Variants in YAP1 observed in about 807,000 individuals in gnomAD.
YAP1 encodes Yes1 associated transcriptional regulator.
A neutral mutation model predicts 56.9 loss-of-function variants in YAP1; 5 were observed. The ratio of observed to expected loss-of-function variants is 0.09; its 90% confidence interval spans 0.05 to 0.18. YAP1 has a LOEUF of 0.18. Among genes scored for constraint, YAP1 ranks in the 10% least tolerant of loss-of-function variants. The pLI is 1.00. For synonymous variants in YAP1, 265 were observed against 248.1 expected, an observed-to-expected ratio of 1.07 and a Z score of -0.64; for missense variants, 539 against 651.8, an observed-to-expected ratio of 0.83 and a Z score of 1.88.
intron 3 of YAP1, among the ~76,000 whole-genome samples, chr11:102,167,601 G>T (rs1047158212): frequency 3.3e-5 from 5 of 152,160 alleles, no homozygotes; most frequent in Non-Finnish European, 7.3e-5. Flanking sequence ...AGCATTGGTG[G>T]TGCACGCCTG....
chr11:102,190,970 TC>T (rs759930827), intron 4 of YAP1, among the ~76,000 whole-genome samples: 1 of 151,434 alleles, frequency 6.6e-6, no homozygotes, highest in Admixed American at 6.6e-5. Flanking sequence ...AGGTTAGAGA[TC>T]AAGACCATCC....
chr11:102,116,152 C>A (rs975915526), intron 2 of YAP1, among the ~76,000 whole-genome samples: 1 of 152,136 alleles, frequency 6.6e-6, no homozygotes, highest in Non-Finnish European at 1.5e-5. Flanking sequence ...ATTCAACCAA[C>A]CTCTGATTGA....
intron 2 of YAP1, among the ~76,000 whole-genome samples, chr11:102,155,303 A>T (rs2135368954): frequency 6.6e-6 from 1 of 152,336 alleles, no homozygotes; most frequent in African/African-American, 2.4e-5. Context: ...AGACTAGGTA[A>T]GACTCTGTGC....
Position 102,219,187 on chromosome 11 carries a change from G to A in YAP1, c.1033-4435G>A, listed in dbSNP as rs116507961. Among the ~76,000 whole-genome samples, 753 of 152,178 alleles carry A rather than the reference G, an allele frequency of 4.9e-3. 5 individuals are homozygous for A. Among genetic ancestry groups the A allele is most frequent in the African/African-American group, 0.017 (720 of 41,520 alleles). ...AGAACCCTAGGCATCAGCCTTTTCT[G>A]GAGTCTATAATTTTATTCATTTTAA... is the stretch of plus-strand genomic sequence containing the variant. On this transcript the variant is annotated intron_variant, in intron 6 of 8. Coordinates refer to ENST00000282441, the MANE Select transcript of YAP1 (RefSeq NM_001130145.3).
At chr11:102,165,434 G>A (rs1304550627) in intron 3 of YAP1, among the ~76,000 whole-genome samples, 1 of 152,064 alleles carries the variant, frequency 6.6e-6, no homozygotes, top group African/African-American at 2.4e-5. Context: ...AAATTAGTAT[G>A]CATATACATG....
chr11:102,184,519 G>A (rs1947844744), intron 3 of YAP1, among the ~76,000 whole-genome samples: 1 of 152,184 alleles, frequency 6.6e-6, no homozygotes, highest in Non-Finnish European at 1.5e-5. Flanking sequence ...TAGGCATGGA[G>A]AAAACTAATT....
intron 6 of YAP1, among the ~76,000 whole-genome samples, chr11:102,217,804 C>G (rs1445331191): frequency 6.6e-6 from 1 of 152,036 alleles, no homozygotes; most frequent in Non-Finnish European, 1.5e-5. Context: ...ATTCTCCTGC[C>G]CCAGCCTCCC....
intron 1 of YAP1, 121 bp from the exon 2 acceptor site, chr11:102,114,023 A>AT: frequency 1.0e-6 from 1 of 979,152 alleles, no homozygotes; most frequent in Non-Finnish European, 1.4e-6. Flanking sequence ...CGAATATTAA[A>AT]TGTTGAAATT....
chr11:102,147,248 T>A (rs553273650), intron 2 of YAP1, among the ~76,000 whole-genome samples: 4 of 152,332 alleles, frequency 2.6e-5, no homozygotes, highest in South Asian at 4.1e-4. Context: ...CTGCATTTTT[T>A]AATGTAATCC....
chr11:102,151,744 G>GT (rs1212091524), intron 2 of YAP1, among the ~76,000 whole-genome samples: 1 of 152,094 alleles, frequency 6.6e-6, no homozygotes, highest in Non-Finnish European at 1.5e-5. Context: ...GTTTAGTGCG[G>GT]TTTTTTTGGT....
intron 6 of YAP1, among the ~76,000 whole-genome samples, chr11:102,219,673 G>C (rs1949826656): frequency 6.6e-6 from 1 of 151,682 alleles, no homozygotes; most frequent in Non-Finnish European, 1.5e-5. Flanking sequence ...TATAAATGAA[G>C]TTACTTTTGA....
At chr11:102,112,408 CTTT>C (rs953817833) in intron 1 of YAP1, 5 of 961,710 alleles carry the variant, frequency 5.2e-6, no homozygotes, top group Non-Finnish European at 6.1e-6. Context: ...CTTTTTCTTT[CTTT>C]TTTATTTCTT....
chr11:102,138,985 C>T (rs570212196), intron 2 of YAP1, among the ~76,000 whole-genome samples: 1 of 152,180 alleles, frequency 6.6e-6, no homozygotes, highest in African/African-American at 2.4e-5. Context: ...GGGTAATTAA[C>T]ACATTCTCAG....
chr11:102,170,734 C>G (rs905788168), intron 3 of YAP1, among the ~76,000 whole-genome samples: 1 of 151,934 alleles, frequency 6.6e-6, no homozygotes, highest in Non-Finnish European at 1.5e-5. Context: ...TTTGGAAGGC[C>G]GAGGTGGGCA....
chr11:102,173,058 G>A (rs963268633), intron 3 of YAP1, among the ~76,000 whole-genome samples: 2 of 152,162 alleles, frequency 1.3e-5, no homozygotes, highest in African/African-American at 4.8e-5. Flanking sequence ...TAAAAAATAG[G>A]GAGATTACTT....
chr11:102,111,703 C>T (rs982594690), intron 1 of YAP1, among the ~76,000 whole-genome samples: 6 of 152,188 alleles, frequency 3.9e-5, no homozygotes, highest in Admixed American at 6.5e-5. Context: ...CCTTTGCGGC[C>T]TCTCGGTCCA....
intron 4 of YAP1, among the ~76,000 whole-genome samples, chr11:102,200,581 A>AT (rs1432942913): frequency 6.6e-6 from 1 of 151,210 alleles, no homozygotes; most frequent in East Asian, 1.9e-4. Context: ...AGTAGCTGGC[A>AT]TTACAGGTGC....
At chr11:102,134,668 C>T (rs917415270) in intron 2 of YAP1, among the ~76,000 whole-genome samples, 2 of 152,006 alleles carry the variant, frequency 1.3e-5, no homozygotes, top group African/African-American at 4.8e-5. Flanking sequence ...AGATCACATC[C>T]CTTTCCCTCT....
chr11:102,162,404 GT>G, intron 2 of YAP1, 51 bp from the exon 3 acceptor site: 3 of 1,527,416 alleles, frequency 2.0e-6, no homozygotes, highest in Non-Finnish European at 2.7e-6. Flanking sequence ...GATAAGAATT[GT>G]TTTTGGAACC....
Sources: allele counts gnomAD v4.1 joint callset (sites outside exome capture counted in the v4.1 genomes callset), GRCh38; gene constraint gnomAD v4.1.1; transcripts MANE v1.5; gene names NCBI Gene and HGNC (gene_info 2026-07-23, HGNC 2026-07-21).